CRACDL: variants seen among roughly 807,000 people sequenced by gnomAD.
CRACDL encodes the protein CRACD like, also known as CRACD-like protein.
A neutral mutation model predicts 70.6 loss-of-function variants in CRACDL; 26 were observed. The ratio of observed to expected loss-of-function variants is 0.37; its 90% CI spans 0.27 to 0.51. The LOEUF (loss-of-function observed/expected upper bound fraction) is 0.51, where lower values mean the gene tolerates loss of function less well. CRACDL is among the 20% of genes least tolerant of loss of function. CRACDL has a pLI of 0.94. For synonymous variants in CRACDL, 618 were observed against 615.2 expected (o/e 1.00, Z -0.07); for missense variants, 1,283 against 1,376.9 (o/e 0.93, Z 1.08).
intron 7 of CRACDL, among the ~76,000 whole-genome samples, chr2:98,817,238 A>G (rs1305178714): frequency 6.6e-6 from 1 of 152,186 alleles, no homozygotes; most frequent in Non-Finnish European, 1.5e-5. Flanking sequence ...CAATGTTTAT[A>G]AAGTTTCAGT....
intron 5 of CRACDL, 105 bp downstream of exon 5, chr2:98,832,243 T>C: frequency 7.9e-7 from 1 of 1,264,790 alleles, no homozygotes; most frequent in African/African-American, 1.5e-5. Flanking sequence ...GGCCACACCA[T>C]GCACAGCCTG....
intron 1 of CRACDL, among the ~76,000 whole-genome samples, chr2:98,875,027 C>T (rs1018546921): frequency 2.6e-5 from 4 of 152,234 alleles, no homozygotes; most frequent in African/African-American, 9.6e-5. Flanking sequence ...CCACCTGGAG[C>T]CCATGTACTG....
intron 1 of CRACDL, among the ~76,000 whole-genome samples, chr2:98,884,891 A>C (rs1282418974): frequency 6.6e-6 from 1 of 152,216 alleles, no homozygotes; most frequent in East Asian, 1.9e-4. Context: ...GCAGCCTGAC[A>C]GGACTGAGAC....
At chr2:98,838,911 T>C (rs1235920597) in intron 2 of CRACDL, among the ~76,000 whole-genome samples, 1 of 152,206 alleles carries the variant, frequency 6.6e-6, no homozygotes, top group Non-Finnish European at 1.5e-5. Context: ...TCACCACACT[T>C]TTCAACATTT....
chr2:98,809,781 T>G (rs1704478717), intron 7 of CRACDL: 1 of 152,152 alleles, frequency 6.6e-6, no homozygotes, highest in Admixed American at 6.6e-5. Context: ...TCTGTGCAGC[T>G]GAGATGAGAA....
At chr2:98,827,978 C>G (rs960280060) in intron 5 of CRACDL, among the ~76,000 whole-genome samples, 2 of 152,238 alleles carry the variant, frequency 1.3e-5, no homozygotes, top group African/African-American at 4.8e-5. Context: ...CTCATGTATC[C>G]TTTTGAAGAA....
Position 98,870,531 on chromosome 2 carries a change from G to A in CRACDL, c.-10-23721C>T, listed in dbSNP as rs550901748. ...ACGACTTGGCCTTCTCCCAGGGAGAGGGCCAATTAGCTGGTGGAGAGTCCC... is the reference window on the plus strand; with the variant it reads ...ACGACTTGGCCTTCTCCCAGGGAGAAGGCCAATTAGCTGGTGGAGAGTCCC... On this transcript the variant is annotated intron_variant, in intron 1 of 9. Transcript: ENST00000397899. Among the ~76,000 whole-genome samples, 7 of 152,194 alleles carry A rather than the reference G, an allele frequency of 4.6e-5. No homozygotes were observed. In the East Asian group the frequency reaches 1.2e-3, roughly 25 times the overall value.
At chr2:98,861,012 T>C (rs1462752381) in intron 1 of CRACDL, among the ~76,000 whole-genome samples, 2 of 152,182 alleles carry the variant, frequency 1.3e-5, no homozygotes, top group Admixed American at 6.5e-5. Context: ...GAATGGCTAA[T>C]AAGTGCATGA....
chr2:98,889,150 G>A (rs1295922158), intron 1 of CRACDL, among the ~76,000 whole-genome samples: 5 of 141,386 alleles, frequency 3.5e-5, no homozygotes, highest in Admixed American at 1.5e-4. Flanking sequence ...GGGAAGAAAA[G>A]AAAAGAAGGA....
chr2:98,813,672 CAG>C (rs548561889), intron 7 of CRACDL, among the ~76,000 whole-genome samples: 81 of 152,202 alleles, frequency 5.3e-4, no homozygotes, highest in Non-Finnish European at 1.0e-3. Flanking sequence ...GTATAGTATA[CAG>C]AGAGTCTATA....
chr2:98,902,989 C>T (rs528083080), intron 1 of CRACDL, among the ~76,000 whole-genome samples: 2 of 152,234 alleles, frequency 1.3e-5, no homozygotes, highest in Non-Finnish European at 2.9e-5. Flanking sequence ...ACACCCTTCC[C>T]CTTGGGGTGC....
intron 1 of CRACDL, among the ~76,000 whole-genome samples, chr2:98,867,539 TA>T (rs139120396): frequency 0.049 from 7,344 of 148,566 alleles, 324 homozygotes; most frequent in South Asian, 0.17. Context: ...GTCATTAGAC[TA>T]AAAAAAAAAC....
In CRACDL at chr2:98,822,340, C is replaced by A. The variant is rs1416926081; in HGVS notation, c.1933G>T (p.Ala645Ser). 8 of 1,457,360 alleles carry A rather than the reference C, an allele frequency of 5.5e-6. No individual in the cohort carries two copies. Among genetic ancestry groups the A allele is most frequent in the Non-Finnish European group, 7.2e-6 (8 of 1,116,368 alleles). 90.3% of individuals were successfully genotyped at this position (1,457,360 alleles called of 1,614,324 possible). The stretch of plus-strand genomic sequence containing the variant: ...CTCTTGCGCGGCCCGGCCGGGCTGG[C>A]CGCCCTGTCCCCCGAGTCCTGAGGG... The part of the protein sequence containing the change: ...RGPQDSGDRA[A>S]SPAGPRKSPQ... Residue 645 changes from alanine to serine, a missense_variant, in exon 7 of 10, where the codon GCC (alanine) becomes TCC (serine). Around this residue, in one of 2 missense-constraint regions of CRACDL, gnomAD observed 921 missense variants for 881.9 expected, o/e 1.04. Transcript: ENST00000397899. The surrounding 1 kb of genome is among the most constrained non-coding windows in gnomAD (Gnocchi z 4.9).
intron 3 of CRACDL, 114 bp downstream of exon 3, chr2:98,838,005 C>T: frequency 2.4e-6 from 2 of 842,548 alleles, no homozygotes; most frequent in Non-Finnish European, 3.6e-6. Flanking sequence ...TATGGAAGAA[C>T]CTCTAATGGA....
At chr2:98,918,523 G>A (rs117539203) in intron 1 of CRACDL, among the ~76,000 whole-genome samples, 1,163 of 112,470 alleles carry the variant, frequency 0.01, 23 homozygotes, top group East Asian at 0.084. Context: ...GGGCGACAGA[G>A]CAAGATGTTG....
chr2:98,926,990 A>G (rs1012314374), intron 1 of CRACDL, among the ~76,000 whole-genome samples: 2 of 152,158 alleles, frequency 1.3e-5, no homozygotes, highest in African/African-American at 4.8e-5. Flanking sequence ...GCTTGTATGC[A>G]AGGTAAATCT....
chr2:98,879,868 C>T lies in CRACDL; in HGVS notation c.-10-33058G>A, dbSNP rs1053496729. ...GCCTCAGCCTCTGTATTTCAAAGAT[C>T]TTTAAAAAAGCAGCGAAGCCTCAAT... On this transcript the variant is annotated intron_variant, in intron 1 of 9. Transcript: ENST00000397899. 3.9e-5 allele frequency among the ~76,000 whole-genome samples: 6 copies of T among 152,216 alleles called. No individual in the cohort carries two copies. The East Asian group carries it at 7.7e-4, about 20-fold the overall frequency.
intron 2 of CRACDL, among the ~76,000 whole-genome samples, chr2:98,842,539 C>T (rs1357961871): frequency 1.3e-5 from 2 of 152,072 alleles, no homozygotes; most frequent in Non-Finnish European, 2.9e-5. Flanking sequence ...ACAGGACTGT[C>T]CTCATGCTGC....
intron 1 of CRACDL, among the ~76,000 whole-genome samples, chr2:98,931,462 G>A (rs73965215): frequency 0.012 from 1,848 of 152,110 alleles, 40 homozygotes; most frequent in African/African-American, 0.042. Context: ...GTAGTTTCTT[G>A]GAAACTGCAC....
Sources: allele counts gnomAD v4.1 joint callset (sites outside exome capture counted in the v4.1 genomes callset), GRCh38; gene constraint gnomAD v4.1.1; regional missense constraint gnomAD v4.1.1; non-coding constraint Gnocchi (gnomAD v3.1); transcripts MANE v1.5; gene names NCBI Gene and HGNC (gene_info 2026-07-23, HGNC 2026-07-21).